Variants in SDK1 observed in about 807,000 individuals in gnomAD.
SDK1 encodes the protein sidekick cell adhesion molecule 1.
In SDK1, 157 loss-of-function variants were observed where a neutral mutation model predicts 245.5. The observed-to-expected ratio is 0.64, with a 90% CI of 0.56 to 0.73. The LOEUF is 0.73. Ranked by LOEUF, SDK1 falls within the 30% of genes least tolerant of loss-of-function variation. SDK1 has a pLI of 0.00. For missense variants in SDK1, 3,583 were observed against 3,002.3 expected (o/e 1.19, Z -4.52); for synonymous variants, 1,647 against 1,278.5 (o/e 1.29, Z -6.15).
intron 1 of SDK1, among the ~76,000 whole-genome samples, chr7:3,455,134 A>T (rs561584711): frequency 1.0e-4 from 15 of 150,070 alleles, no homozygotes; most frequent in African/African-American, 3.4e-4. Flanking sequence ...TTGTAATTGG[A>T]TTTTTGTTTT....
chr7:3,824,115 G>C (rs1488671037), intron 5 of SDK1, among the ~76,000 whole-genome samples: 1 of 152,110 alleles, frequency 6.6e-6, no homozygotes, highest in Non-Finnish European at 1.5e-5. Context: ...TTCAGGACCT[G>C]GCCACCCTGC....
chr7:3,589,621 A>T (rs1328653035), intron 1 of SDK1, among the ~76,000 whole-genome samples: 1 of 152,206 alleles, frequency 6.6e-6, no homozygotes, highest in East Asian at 1.9e-4. Flanking sequence ...GCAAAGGAGG[A>T]GTACAGACAC....
intron 4 of SDK1, among the ~76,000 whole-genome samples, chr7:3,758,690 G>A (rs1478176362): frequency 2.6e-5 from 4 of 152,070 alleles, no homozygotes; most frequent in Non-Finnish European, 5.9e-5. Context: ...ACCTGCACCC[G>A]CCCAGAGTCA....
chr7:3,890,411 A>G (rs887177224), intron 5 of SDK1, among the ~76,000 whole-genome samples: 13 of 152,368 alleles, frequency 8.5e-5, no homozygotes, highest in African/African-American at 2.4e-4. Flanking sequence ...TTGAAATTGT[A>G]GATGTGTTGG....
At chr7:3,356,598 AGAAAGTAG>A (rs1780802146) in intron 1 of SDK1, among the ~76,000 whole-genome samples, 2 of 152,198 alleles carry the variant, frequency 1.3e-5, no homozygotes, top group Non-Finnish European at 2.9e-5. Flanking sequence ...TATCTGACCA[AGAAAGTAG>A]GTATAGAACT....
chr7:3,328,406 A>G (rs1161138279), intron 1 of SDK1, among the ~76,000 whole-genome samples: 2 of 152,090 alleles, frequency 1.3e-5, no homozygotes, highest in African/African-American at 4.8e-5. Flanking sequence ...ATTTCATTTT[A>G]GATCATGCTA....
intron 14 of SDK1, among the ~76,000 whole-genome samples, chr7:3,991,988 G>T (rs569740887): frequency 6.6e-6 from 1 of 152,212 alleles, no homozygotes; most frequent in Non-Finnish European, 1.5e-5. Flanking sequence ...ATTGCACTTG[G>T]CCTCCACTCA....
chr7:3,494,011 T>G (rs1413666826), intron 1 of SDK1, among the ~76,000 whole-genome samples: 4 of 152,218 alleles, frequency 2.6e-5, no homozygotes, highest in Non-Finnish European at 4.4e-5. Flanking sequence ...AAACAGTTTA[T>G]TCTGTATTAT....
intron 4 of SDK1, among the ~76,000 whole-genome samples, chr7:3,681,921 A>G (rs1219921518): frequency 1.3e-5 from 2 of 152,214 alleles, no homozygotes; most frequent in Non-Finnish European, 2.9e-5. Flanking sequence ...AAGATTATAC[A>G]GTCCCTATAC....
At chr7:4,230,689 G>C (rs1785705150) in intron 40 of SDK1, among the ~76,000 whole-genome samples, 2 of 152,066 alleles carry the variant, frequency 1.3e-5, no homozygotes, top group African/African-American at 4.8e-5. Context: ...GAATGGAATG[G>C]ATGGATGGTT....
intron 1 of SDK1, among the ~76,000 whole-genome samples, chr7:3,357,213 C>T (rs1780822354): frequency 6.6e-6 from 1 of 151,170 alleles, no homozygotes; most frequent in Non-Finnish European, 1.5e-5. Flanking sequence ...ATGATTTAAT[C>T]TTCTAGAGAC....
intron 5 of SDK1, among the ~76,000 whole-genome samples, chr7:3,890,890 C>T (rs572839691): frequency 3.9e-5 from 6 of 152,110 alleles, no homozygotes; most frequent in Admixed American, 6.5e-5. Flanking sequence ...TGCAGTGAGC[C>T]GAAAGCACTC....
intron 5 of SDK1, among the ~76,000 whole-genome samples, chr7:3,893,781 C>T (rs1781522604): frequency 6.6e-6 from 1 of 151,856 alleles, no homozygotes; most frequent in African/African-American, 2.4e-5. Flanking sequence ...CCTGCCTTCT[C>T]CAGGTGATGG....
chr7:4,245,825 T>A lies in SDK1; in HGVS notation c.6381+20T>A. The A allele has an allele frequency of 3.1e-6, 5 of 1,613,244 alleles. No homozygotes were observed. Among genetic ancestry groups the A allele is most frequent in the Non-Finnish European group, 4.2e-6 (5 of 1,179,628 alleles). The stretch of plus-strand genomic sequence containing the variant: ...TCTGAGGTCAGTGTCGGTGCCTACT[T>A]CCGGGCAGTGACCATCAGCCCCTAC... On this transcript the variant is annotated intron_variant, in intron 44 of 44. Coordinates refer to ENST00000404826, the MANE Select transcript of SDK1 (RefSeq NM_152744.4).
intron 1 of SDK1, among the ~76,000 whole-genome samples, chr7:3,311,493 A>C (rs1405221914): frequency 6.6e-6 from 1 of 152,160 alleles, no homozygotes; most frequent in Admixed American, 6.5e-5. Flanking sequence ...AAGGAAAGAG[A>C]ACTATGGAGG....
intron 4 of SDK1, among the ~76,000 whole-genome samples, chr7:3,746,652 T>A (rs1226867107): frequency 6.6e-6 from 1 of 152,240 alleles, no homozygotes; most frequent in South Asian, 2.1e-4. Flanking sequence ...TTTCTTTGCT[T>A]ATCCATAAGA....
intron 28 of SDK1, chr7:4,134,642 G>A: frequency 6.6e-6 from 1 of 152,564 alleles, no homozygotes; most frequent in Non-Finnish European, 1.5e-5. Flanking sequence ...GCTCGCCCCA[G>A]CCCCACCTCC....
At chr7:3,761,155 G>GTGTGCTACAA (rs1265630898) in intron 4 of SDK1, among the ~76,000 whole-genome samples, 1 of 151,868 alleles carries the variant, frequency 6.6e-6, no homozygotes, top group Non-Finnish European at 1.5e-5. Context: ...CTTTTTCCAG[G>GTGTGCTACAA]TGAGCGTGTG....
intron 1 of SDK1, among the ~76,000 whole-genome samples, chr7:3,555,443 C>T (rs1779558435): frequency 6.6e-6 from 1 of 152,054 alleles, no homozygotes. Flanking sequence ...GGATTAAAAA[C>T]TTTAAGATGT....
Sources: allele counts gnomAD v4.1 joint callset (sites outside exome capture counted in the v4.1 genomes callset), GRCh38; gene constraint gnomAD v4.1.1; transcripts MANE v1.5; gene names NCBI Gene and HGNC (gene_info 2026-07-23, HGNC 2026-07-21).